Variants in LOC128125817 observed in about 807,000 individuals in gnomAD.
the LOC128125817 span, among the ~76,000 whole-genome samples, chr1:41,614,686 T>G: frequency 1.3e-5 from 2 of 151,920 alleles, no homozygotes; most frequent in African/African-American, 4.8e-5. Flanking sequence ...CCAGGGGAAA[T>G]GAAAGACCAG....
chr1:41,605,276 G>T, the LOC128125817 span, among the ~76,000 whole-genome samples: 1 of 151,196 alleles, frequency 6.6e-6, no homozygotes, highest in East Asian at 1.9e-4. Context: ...GGGGCAGGTG[G>T]GTATTTACTC....
chr1:41,593,850 G>A, the LOC128125817 span, among the ~76,000 whole-genome samples: 1 of 152,162 alleles, frequency 6.6e-6, no homozygotes, highest in East Asian at 1.9e-4. Context: ...GTGTCAGCAG[G>A]GCCACTTTTC....
chr1:41,597,498 A>G, the LOC128125817 span, among the ~76,000 whole-genome samples: 1 of 152,218 alleles, frequency 6.6e-6, no homozygotes, highest in South Asian at 2.1e-4. Context: ...AAATTCACTC[A>G]TTTATTCCTC....
the LOC128125817 span, among the ~76,000 whole-genome samples, chr1:41,606,685 T>C: frequency 2.0e-5 from 3 of 151,926 alleles, no homozygotes; most frequent in East Asian, 1.9e-4. Flanking sequence ...CCAGAAAATA[T>C]AGGTGACTGA....
the LOC128125817 span, among the ~76,000 whole-genome samples, chr1:41,601,250 T>A: frequency 6.6e-6 from 1 of 152,202 alleles, no homozygotes; most frequent in South Asian, 2.1e-4. Context: ...TGTGGTTCCA[T>A]ATAAATCACA....
chr1:41,616,023 A>C, the LOC128125817 span, among the ~76,000 whole-genome samples: 25 of 152,006 alleles, frequency 1.6e-4, no homozygotes, highest in African/African-American at 5.8e-4. Flanking sequence ...TGGTTTAACC[A>C]AAGGGGAGAA....
the LOC128125817 span, among the ~76,000 whole-genome samples, chr1:41,618,172 G>A: frequency 6.6e-6 from 1 of 152,230 alleles, no homozygotes; most frequent in Non-Finnish European, 1.5e-5. Context: ...TCTGGGAAGG[G>A]AGGGCTGTTT....
the LOC128125817 span, among the ~76,000 whole-genome samples, chr1:41,591,291 C>T: frequency 6.6e-6 from 1 of 151,974 alleles, no homozygotes; most frequent in Non-Finnish European, 1.5e-5. Flanking sequence ...AGCAGGGCCC[C>T]CACAGAAACC....
the LOC128125817 span, among the ~76,000 whole-genome samples, chr1:41,627,766 C>G: frequency 6.6e-6 from 1 of 152,204 alleles, no homozygotes; most frequent in South Asian, 2.1e-4. Context: ...GAAGGAGGCC[C>G]TGGAGTCCCC....
At chr1:41,618,350 C>T in the LOC128125817 span, among the ~76,000 whole-genome samples, 1 of 152,234 alleles carries the variant, frequency 6.6e-6, no homozygotes, top group Non-Finnish European at 1.5e-5. Context: ...CCTGCCTAAG[C>T]ATGTCCATCT....
chr1:41,616,620 CT>C, the LOC128125817 span, among the ~76,000 whole-genome samples: 112 of 112,454 alleles, frequency 1.0e-3, no homozygotes, highest in East Asian at 2.1e-3. Flanking sequence ...GATGGGGAGC[CT>C]TTTTTTTTTT....
the LOC128125817 span, among the ~76,000 whole-genome samples, chr1:41,596,415 G>A: frequency 2.6e-5 from 4 of 152,050 alleles, no homozygotes; most frequent in Admixed American, 2.0e-4. Flanking sequence ...GAGGTTTTTT[G>A]CTAATCCAAT....
the LOC128125817 span, among the ~76,000 whole-genome samples, chr1:41,596,934 T>C: frequency 6.6e-5 from 10 of 152,228 alleles, no homozygotes; most frequent in Non-Finnish European, 1.2e-4. Context: ...CAAGTCACTC[T>C]GCATGACCAT....
the LOC128125817 span, among the ~76,000 whole-genome samples, chr1:41,595,555 A>G: frequency 6.6e-6 from 1 of 152,154 alleles, no homozygotes; most frequent in African/African-American, 2.4e-5. Context: ...GTTGATGGTG[A>G]GATTTGCAAG....
At chr1:41,610,414 C>T in the LOC128125817 span, among the ~76,000 whole-genome samples, 1 of 152,224 alleles carries the variant, frequency 6.6e-6, no homozygotes, top group Admixed American at 6.5e-5. Flanking sequence ...TCTCATTCAC[C>T]ATTACATCCC....
At chr1:41,591,753 A>T in the LOC128125817 span, among the ~76,000 whole-genome samples, 37 of 152,120 alleles carry the variant, frequency 2.4e-4, no homozygotes, top group East Asian at 5.4e-3. Context: ...AGTGTCCTGA[A>T]TTCTAGCCTC....
At chr1:41,623,523 A>G in the LOC128125817 span, among the ~76,000 whole-genome samples, 4 of 152,346 alleles carry the variant, frequency 2.6e-5, no homozygotes, top group East Asian at 7.7e-4. Flanking sequence ...CAGAAAGCAC[A>G]GGGGTTTTTC....
chr1:41,586,622 T>C, the LOC128125817 span, among the ~76,000 whole-genome samples: 2 of 152,178 alleles, frequency 1.3e-5, no homozygotes, highest in African/African-American at 4.8e-5. Flanking sequence ...TGTGTGATGA[T>C]ACAGACTTGA....
the LOC128125817 span, among the ~76,000 whole-genome samples, chr1:41,617,948 A>T: frequency 6.6e-6 from 1 of 152,200 alleles, no homozygotes; most frequent in Non-Finnish European, 1.5e-5. Flanking sequence ...CTCACATGTC[A>T]TTGGGTGTGT....
Sources: allele counts gnomAD v4.1 joint callset (sites outside exome capture counted in the v4.1 genomes callset), GRCh38; gene constraint gnomAD v4.1.1; transcripts MANE v1.5.